The following GPC5 variants were observed in gnomAD, a reference collection of about 807,000 sequenced individuals.
GPC5 encodes the protein glypican-5.
GPC5 carries 47 observed loss-of-function variants against 53.9 expected under a neutral mutation model. The ratio of observed to expected loss-of-function variants is 0.87; its 90% confidence interval spans 0.69 to 1.11. The LOEUF is 1.11. Ranked by LOEUF, GPC5 falls within the 50% of genes most tolerant of loss-of-function variation. The pLI is 0.00. For synonymous variants in GPC5, 286 were observed against 263.3 expected, an observed-to-expected ratio of 1.09 and a Z score of -0.84; for missense variants, 748 against 713.1, an observed-to-expected ratio of 1.05 and a Z score of -0.56.
intron 7 of GPC5, among the ~76,000 whole-genome samples, chr13:92,495,824 C>A (rs969037020): frequency 7.9e-5 from 12 of 152,100 alleles, no homozygotes; most frequent in Middle Eastern, 6.8e-3. Flanking sequence ...ATTTTTCAAC[C>A]TGTGTAAACC....
At chr13:92,821,425 G>A (rs1364198478) in intron 7 of GPC5, among the ~76,000 whole-genome samples, 1 of 152,042 alleles carries the variant, frequency 6.6e-6, no homozygotes, top group African/African-American at 2.4e-5. Flanking sequence ...CAATGGTCCC[G>A]AGGAGTTGGA....
At chr13:92,698,922 G>GT (rs1377892863) in intron 7 of GPC5, among the ~76,000 whole-genome samples, 2 of 152,086 alleles carry the variant, frequency 1.3e-5, no homozygotes, top group African/African-American at 4.8e-5. Flanking sequence ...TCTCTGCCAG[G>GT]TTTTGGTATC....
chr13:92,118,583 A>G (rs1231251187), intron 6 of GPC5, among the ~76,000 whole-genome samples: 83 of 152,312 alleles, frequency 5.4e-4, no homozygotes, highest in Non-Finnish European at 2.9e-5. Flanking sequence ...GATCCATCTT[A>G]CAGAGGCCAC....
intron 6 of GPC5, among the ~76,000 whole-genome samples, chr13:92,069,902 T>C (rs1442548232): frequency 1.3e-5 from 2 of 152,142 alleles, no homozygotes; most frequent in Non-Finnish European, 2.9e-5. Flanking sequence ...CCCCCAAAGA[T>C]GGTCATGCTT....
intron 7 of GPC5, among the ~76,000 whole-genome samples, chr13:92,285,954 C>T (rs200502259): frequency 2.0e-5 from 3 of 151,832 alleles, no homozygotes; most frequent in East Asian, 1.9e-4. Context: ...AGTGAACAGG[C>T]AACCTACAGA....
chr13:92,672,884 A>C (rs1271233969), intron 7 of GPC5, among the ~76,000 whole-genome samples: 3 of 152,152 alleles, frequency 2.0e-5, no homozygotes, highest in Non-Finnish European at 2.9e-5. Context: ...AGACTTTCAG[A>C]GAGTAGAGGC....
intron 3 of GPC5, among the ~76,000 whole-genome samples, chr13:91,705,436 T>A (rs2036077899): frequency 6.6e-6 from 1 of 152,168 alleles, no homozygotes; most frequent in African/African-American, 2.4e-5. Flanking sequence ...ATAGAAAGCA[T>A]GGTAGGTTTT....
At chr13:91,772,757 G>T (rs375774770) in intron 5 of GPC5, among the ~76,000 whole-genome samples, 1 of 152,086 alleles carries the variant, frequency 6.6e-6, no homozygotes, top group Non-Finnish European at 1.5e-5. Context: ...GGTCTCCAAA[G>T]TGTGGTCCCC....
At chr13:91,992,964 A>G (rs1387657564) in intron 6 of GPC5, among the ~76,000 whole-genome samples, 1 of 152,234 alleles carries the variant, frequency 6.6e-6, no homozygotes, top group East Asian at 1.9e-4. Context: ...GTTGTAACAC[A>G]AAGGAACAGA....
chr13:91,490,075 T>G (rs1201598887), intron 2 of GPC5, among the ~76,000 whole-genome samples: 1 of 152,222 alleles, frequency 6.6e-6, no homozygotes, highest in Non-Finnish European at 1.5e-5. Context: ...AATGATTATT[T>G]GGTAAGAGAT....
At chr13:91,607,999 T>C (rs907796410) in intron 2 of GPC5, among the ~76,000 whole-genome samples, 3 of 152,220 alleles carry the variant, frequency 2.0e-5, no homozygotes, top group African/African-American at 7.2e-5. Flanking sequence ...TATCCTCAAA[T>C]AATATATTTA....
At chr13:91,798,274 C>CCA (rs2138767426) in intron 5 of GPC5, among the ~76,000 whole-genome samples, 1 of 152,286 alleles carries the variant, frequency 6.6e-6, no homozygotes, top group East Asian at 1.9e-4. Context: ...GCAGAACACA[C>CCA]CAACCCATCA....
intron 2 of GPC5, among the ~76,000 whole-genome samples, chr13:91,553,584 C>A (rs529878856): frequency 2.0e-5 from 3 of 152,136 alleles, no homozygotes; most frequent in African/African-American, 7.2e-5. Flanking sequence ...ATTAGTTTGT[C>A]TATGAAACTG....
intron 7 of GPC5, among the ~76,000 whole-genome samples, chr13:92,238,678 T>A (rs1445582782): frequency 6.6e-6 from 1 of 152,092 alleles, no homozygotes; most frequent in Admixed American, 6.6e-5. Flanking sequence ...TTATTAGACA[T>A]ATAATTTCCA....
chr13:91,820,836 G>C (rs1341198038), intron 5 of GPC5, among the ~76,000 whole-genome samples: 2 of 152,050 alleles, frequency 1.3e-5, no homozygotes, highest in Non-Finnish European at 2.9e-5. Context: ...GGTGGTGGGC[G>C]CCTGTAGTCA....
chr13:92,262,353 G>T (rs1488874237), intron 7 of GPC5, among the ~76,000 whole-genome samples: 1 of 152,006 alleles, frequency 6.6e-6, no homozygotes, highest in Non-Finnish European at 1.5e-5. Flanking sequence ...GTGACAACAT[G>T]GTCTATTTGA....
At chr13:92,127,493 G>A (rs1267521251) in intron 6 of GPC5, among the ~76,000 whole-genome samples, 1 of 152,064 alleles carries the variant, frequency 6.6e-6, no homozygotes, top group Non-Finnish European at 1.5e-5. Context: ...ACTAAATAGG[G>A]TTCCCCTAAA....
At chr13:91,814,715 A>G (rs1046796690) in intron 5 of GPC5, among the ~76,000 whole-genome samples, 1 of 151,766 alleles carries the variant, frequency 6.6e-6, no homozygotes, top group Non-Finnish European at 1.5e-5. Flanking sequence ...TAATTTTTAT[A>G]TTTTTTGTAG....
intron 7 of GPC5, among the ~76,000 whole-genome samples, chr13:92,731,301 A>G (rs1888794714): frequency 6.6e-6 from 1 of 151,548 alleles, no homozygotes; most frequent in African/African-American, 2.4e-5. Flanking sequence ...TTCTGAAACT[A>G]AATGTCAGGA....
Sources: gnomAD v4.1 joint callset for allele counts (sites outside exome capture counted in the v4.1 genomes callset) on GRCh38, gnomAD v4.1.1 for gene constraint, MANE v1.5 for transcripts, NCBI Gene and HGNC (gene_info 2026-07-23, HGNC 2026-07-21) for gene names.